KCNK16: variants seen among roughly 807,000 people sequenced by gnomAD.
KCNK16 encodes potassium two pore domain channel subfamily K member 16.
KCNK16 carries 23 observed loss-of-function variants against 23.0 expected under a neutral mutation model. The ratio of observed to expected loss-of-function variants is 1.00; its 90% CI spans 0.72 to 1.41. The LOEUF (loss-of-function observed/expected upper bound fraction) is 1.41, where lower values mean the gene tolerates loss of function less well. Among genes scored for constraint, KCNK16 ranks in the 40% most tolerant of loss-of-function variants. The pLI is 0.00. For synonymous variants in KCNK16, 145 were observed against 153.5 expected (o/e 0.94, Z 0.41); for missense variants, 327 against 365.8 (o/e 0.89, Z 0.87).
intron 1 of KCNK16, 36 bp downstream of exon 1, chr6:39,322,292 G>C: frequency 6.3e-7 from 1 of 1,595,376 alleles, no homozygotes; most frequent in East Asian, 2.2e-5. Flanking sequence ...ACCTTCCCAA[G>C]CCTCTCCATC....
At chr6:39,315,881 A>C (rs867630313), downstream of KCNK16, among the ~76,000 whole-genome samples, 60 of 152,270 alleles carry the variant, frequency 3.9e-4, no homozygotes, top group Non-Finnish European at 7.5e-4. Context: ...ATGAGGCAAA[A>C]GTAAAGTCAT....
intron 4 of KCNK16, 134 bp from the exon 5 acceptor site, chr6:39,316,576 T>C: frequency 7.9e-7 from 1 of 1,263,130 alleles, no homozygotes; most frequent in Non-Finnish European, 1.1e-6. Context: ...GAGGTAGGTC[T>C]CTGCAGGGTG....
At position 39,319,350 on chromosome 6, in the gene KCNK16, GTC is replaced by G. The variant is rs1018309170; in HGVS notation, c.214-219_214-218del. On this transcript the variant is annotated intron_variant, in intron 1 of 4. Transcript: ENST00000437525. The surrounding 1 kb of genome is among the most constrained non-coding windows in gnomAD (Gnocchi z 4.2). ...CTCCAACTCCAGTGTCTGTTCCACT[GTC>G]TGTTCCACTGGCCAGGGCTGACTGA... Among the ~76,000 whole-genome samples the G allele has an allele frequency of 1.3e-5, 2 of 152,196 alleles. No homozygotes were observed. The highest frequency in any genetic ancestry group is 2.9e-5 in the Non-Finnish European group (2 of 68,046).
In KCNK16 at chr6:39,316,262, G is replaced by A. The variant is rs781328653; in HGVS notation, c.842C>T (p.Pro281Leu). Residue 281 changes from proline (P) to leucine (L), a missense_variant, in exon 5 of 5, where the codon CCC becomes CTC. Pro to Leu is a moderately conservative substitution (Grantham distance 98). Transcript: ENST00000437525. ...LGVKDGAASDPSGLPRPQKIP... is the reference protein window; with the variant it reads ...LGVKDGAASDLSGLPRPQKIP... ...CTTCTGAGGCCTGGGGAGCCCACTG[G>A]GGTCAGAGGCTGCCCCATCCTTGAC... is the stretch of plus-strand genomic sequence containing the variant. The A allele has an allele frequency of 1.9e-6, 3 of 1,577,614 alleles. No individual in the cohort carries two copies. Among genetic ancestry groups the A allele is most frequent in the South Asian group, 2.3e-5 (2 of 85,964 alleles).
downstream of KCNK16, chr6:39,314,587 A>G: frequency 2.2e-6 from 1 of 445,384 alleles, no homozygotes; most frequent in Non-Finnish European, 3.9e-6. Flanking sequence ...TAGGCCAGGG[A>G]GAAGGAGGAA....
rs1762555547 is a variant in KCNK16, at chr6:39,322,630, C to T, written c.-90G>A. Reference sequence around the variant, plus strand: ...GGAGTAAGCACCTAGGGGCCTGTGCCCAGGCTGCCGCCTGCCCTGCCCTCC... The same window carrying T: ...GGAGTAAGCACCTAGGGGCCTGTGCTCAGGCTGCCGCCTGCCCTGCCCTCC... On this transcript the variant is annotated 5_prime_UTR_variant, in exon 1 of 5. Transcript: ENST00000437525. 2.0e-6 allele frequency: 3 copies of T among 1,475,982 alleles called. No individual in the cohort carries two copies. Among genetic ancestry groups the T allele is most frequent in the Admixed American group, 2.3e-5 (1 of 43,766 alleles). The allele number at this position is 1,475,982 out of a possible 1,614,324, so 91.4% of individuals were successfully genotyped here. A position where few individuals can be genotyped will look rare whatever the true frequency, so the allele number is the denominator to read the frequency against.
intron 1 of KCNK16, among the ~76,000 whole-genome samples, chr6:39,320,562 A>T (rs1315970630): frequency 6.6e-6 from 1 of 152,210 alleles, no homozygotes; most frequent in East Asian, 1.9e-4. Context: ...TGAGAGTTCA[A>T]CAGGAATGTG....
chr6:39,315,553 G>T, downstream of KCNK16: 1 of 825,472 alleles, frequency 1.2e-6, no homozygotes, highest in Non-Finnish European at 1.9e-6. Flanking sequence ...TTGAGAGGCA[G>T]CTCGCCTGCC....
At chr6:39,315,538 G>T (rs922656436), downstream of KCNK16, 9 of 1,001,968 alleles carry the variant, frequency 9.0e-6, no homozygotes, top group Non-Finnish European at 1.1e-5. Flanking sequence ...GGGAGCTGGC[G>T]AGCTTTGAGA....
chr6:39,321,697 C>G (rs1399027482), intron 1 of KCNK16, among the ~76,000 whole-genome samples: 1 of 152,234 alleles, frequency 6.6e-6, no homozygotes. Flanking sequence ...AGAAAGGACC[C>G]AGGCAGGGGG....
chr6:39,314,673 G>C, downstream of KCNK16: 1 of 409,122 alleles, frequency 2.4e-6, no homozygotes, highest in Non-Finnish European at 4.3e-6. Flanking sequence ...CAATGGGAGG[G>C]ACTTCTGGAA....
chr6:39,314,956 C>T (rs1487861424), downstream of KCNK16: 1 of 1,513,182 alleles, frequency 6.6e-7, no homozygotes, highest in African/African-American at 1.4e-5. Context: ...ATCCCTCTAC[C>T]TGGAGTGGAG....
At position 39,322,545 on chromosome 6, in the gene KCNK16, T is replaced by G; in HGVS notation, c.-5A>C. 1 of 1,588,998 alleles carries G rather than the reference T, an allele frequency of 6.3e-7. No individual in the cohort carries two copies. Among genetic ancestry groups the G allele is most frequent in the Non-Finnish European group, 8.5e-7 (1 of 1,171,154 alleles). ...GCAGAGCCCAGCACTGGGCATGCTG[T>G]GGCCAGGACCCTGCCAGGGCCGTGG... On this transcript the variant is annotated 5_prime_UTR_variant, in exon 1 of 5. Transcript: ENST00000437525.
chr6:39,322,424 C>A lies in KCNK16; in HGVS notation c.117G>T (p.Ala39=). ...ATIFQLLERQ[A]EAQSRDQFQL... ...GAAACTGGTCCCTGGACTGAGCCTCCGCCTGCCTCTCTAGCAGCTGGAAGA... is the reference window on the plus strand; with the variant it reads ...GAAACTGGTCCCTGGACTGAGCCTCAGCCTGCCTCTCTAGCAGCTGGAAGA... The change falls in exon 1 of 5, where the codon GCG becomes GCT. Residue 39 remains alanine, a synonymous_variant. Coordinates refer to ENST00000437525, the MANE Select transcript of KCNK16 (RefSeq NM_001135106.2). The A allele has an allele frequency of 6.2e-7, 1 of 1,613,660 alleles. No homozygotes were observed. The highest frequency in any genetic ancestry group is 2.2e-5 in the East Asian group (1 of 44,846).
chr6:39,315,510 C>T, downstream of KCNK16: 1 of 1,339,178 alleles, frequency 7.5e-7, no homozygotes, highest in East Asian at 2.5e-5. Context: ...CACAGACAGC[C>T]CTGGACTTCT....
At position 39,319,161 on chromosome 6, in the gene KCNK16, A is replaced by C. The variant is rs781418831; in HGVS notation, c.214-28T>G. On this transcript the variant is annotated intron_variant, in intron 1 of 4. Transcript: ENST00000437525. This position sits in a 1 kb window ranked among gnomAD's most constrained non-coding sequence, Gnocchi z 4.2. The stretch of plus-strand genomic sequence containing the variant: ...GTAGGGGGTGGCATGGCAGGGGAGG[A>C]AGAAGGAGCTGATGGTTACTGGGCA... 2.2e-6 allele frequency: 3 copies of C among 1,384,974 alleles called. No homozygotes were observed. The highest frequency in any genetic ancestry group is 1.2e-5 in the South Asian group (1 of 86,452). The allele number at this position is 1,384,974 out of a possible 1,614,324, so 85.8% of individuals were successfully genotyped here.
At chr6:39,315,313 GGA>G, downstream of KCNK16, 2 of 1,554,694 alleles carry the variant, frequency 1.3e-6, no homozygotes, top group Non-Finnish European at 1.7e-6. Flanking sequence ...AGACGTTCAT[GGA>G]GCTCACTTTC....
chr6:39,319,021 A>C lies in KCNK16; in HGVS notation c.326T>G (p.Ile109Arg), dbSNP rs1187016347. 2 of 1,607,174 alleles carry C rather than the reference A, an allele frequency of 1.2e-6. No homozygotes were observed. Among genetic ancestry groups the C allele is most frequent in the African/African-American group, 2.7e-5 (2 of 74,744 alleles). ...TCTTCTCTACCCCAGCCCTTTACCT[A>C]TGGTAGTGACGACTGTGCCTGCAAA... is the stretch of plus-strand genomic sequence containing the variant. Reference protein sequence around the residue: ...FFFAGTVVTTIGYGNLAPSTE... With the variant: ...FFFAGTVVTTRGYGNLAPSTE... The change falls in exon 2 of 5, where the codon ATA (isoleucine) becomes AGA (arginine). Residue 109 changes from isoleucine to arginine, a missense_variant and splice_region_variant. Transcript: ENST00000437525. This position sits in a 1 kb window ranked among gnomAD's most constrained non-coding sequence, Gnocchi z 4.2.
At chr6:39,315,523 G>GT, downstream of KCNK16, 1 of 1,216,208 alleles carries the variant, frequency 8.2e-7, no homozygotes, top group Non-Finnish European at 1.1e-6. Flanking sequence ...GGACTTCTAG[G>GT]CAAGGGGAGC....
Sources: allele counts gnomAD v4.1 joint callset (sites outside exome capture counted in the v4.1 genomes callset), GRCh38; gene constraint gnomAD v4.1.1; non-coding constraint Gnocchi (gnomAD v3.1); transcripts MANE v1.5; gene names NCBI Gene and HGNC (gene_info 2026-07-23, HGNC 2026-07-21).